KIF13B: variants seen among roughly 807,000 people sequenced by gnomAD.
The protein encoded by KIF13B is kinesin family member 13B.
KIF13B carries 127 observed loss-of-function variants against 222.0 expected under a neutral mutation model. That is an observed-to-expected ratio of 0.57 (90% CI 0.50 to 0.66). The LOEUF (loss-of-function observed/expected upper bound fraction) is 0.66, where lower values mean the gene tolerates loss of function less well. Among genes scored for constraint, KIF13B ranks in the 30% least tolerant of loss-of-function variants. The probability of loss-of-function intolerance (pLI) is 0.00; values close to 1 mark genes in which losing one functional copy is unlikely to be tolerated. For missense variants in KIF13B, 2,173 were observed against 2,379.0 expected (o/e 0.91, Z 1.80); for synonymous variants, 976 against 919.0 (o/e 1.06, Z -1.12).
At chr8:29,077,853 T>G (rs1174075978) in intron 37 of KIF13B, among the ~76,000 whole-genome samples, 2 of 152,088 alleles carry the variant, frequency 1.3e-5, no homozygotes, top group Admixed American at 6.5e-5. Context: ...GCGGGGGGCG[T>G]GGCACCAGGT....
chr8:29,089,449 T>A (rs1586760307), intron 37 of KIF13B, among the ~76,000 whole-genome samples: 2 of 151,790 alleles, frequency 1.3e-5, no homozygotes, highest in African/African-American at 2.4e-5. Context: ...TAAAATAATA[T>A]TATTATAATC....
intron 1 of KIF13B, among the ~76,000 whole-genome samples, chr8:29,249,488 G>A (rs1476355056): frequency 6.7e-6 from 1 of 148,180 alleles, no homozygotes; most frequent in Non-Finnish European, 1.5e-5. Context: ...TACCATGTCA[G>A]AGTTATGCTG....
At chr8:29,210,047 C>T (rs949601454) in intron 2 of KIF13B, among the ~76,000 whole-genome samples, 2 of 150,722 alleles carry the variant, frequency 1.3e-5, no homozygotes, top group African/African-American at 4.9e-5. Context: ...GAGAGCCAGA[C>T]CCTGTCTCAG....
intron 2 of KIF13B, among the ~76,000 whole-genome samples, chr8:29,219,875 G>C (rs915650452): frequency 9.2e-5 from 14 of 151,770 alleles, no homozygotes; most frequent in African/African-American, 3.4e-4. Context: ...CCAGCCTGGG[G>C]AACATGGTGA....
chr8:29,116,773 C>G, intron 31 of KIF13B, 58 bp downstream of exon 31: 1 of 1,497,776 alleles, frequency 6.7e-7, no homozygotes. Flanking sequence ...AAGCACTGCA[C>G]GGCCCTACCC....
intron 2 of KIF13B, among the ~76,000 whole-genome samples, chr8:29,210,972 T>C (rs911402557): frequency 1.3e-5 from 2 of 152,196 alleles, no homozygotes; most frequent in Admixed American, 1.3e-4. Flanking sequence ...TGGAGGCACC[T>C]GACCCAGAGG....
At chr8:29,087,206 G>A (rs1438427473) in intron 37 of KIF13B, among the ~76,000 whole-genome samples, 2 of 152,196 alleles carry the variant, frequency 1.3e-5, no homozygotes, top group African/African-American at 4.8e-5. Flanking sequence ...GAGTGGAGAA[G>A]GTAGTTACCT....
chr8:29,092,778 C>T lies in KIF13B; in HGVS notation c.4425G>A (p.Lys1475=). The T allele has an allele frequency of 6.2e-7, 1 of 1,613,534 alleles. No homozygotes were observed. Among genetic ancestry groups the T allele is most frequent in the Non-Finnish European group, 8.5e-7 (1 of 1,179,746 alleles). Residue 1475 remains lysine, a synonymous_variant, in exon 37 of 40, where the codon AAG becomes AAA. Transcript: ENST00000524189. ...CGAGGGGAGACGGCCGCTTGCCCCT[C>T]TTCTCATCGCGGACGGGAAAGAGAG... ...LKSLFPVRDE[K]RGKRPSPLAH...
At chr8:29,252,257 A>G (rs552823857) in intron 1 of KIF13B, among the ~76,000 whole-genome samples, 26 of 152,342 alleles carry the variant, frequency 1.7e-4, no homozygotes, top group African/African-American at 6.0e-4. Flanking sequence ...CAATAATTTA[A>G]AACAAGTCTT....
intron 1 of KIF13B, among the ~76,000 whole-genome samples, chr8:29,253,195 A>T (rs569422887): frequency 7.5e-4 from 114 of 152,218 alleles, no homozygotes; most frequent in Non-Finnish European, 1.2e-3. Context: ...AAAAAAAATA[A>T]TTAGCCAGGT....
At chr8:29,077,941 A>G (rs1373168287) in intron 37 of KIF13B, among the ~76,000 whole-genome samples, 2 of 151,996 alleles carry the variant, frequency 1.3e-5, no homozygotes, top group Admixed American at 1.3e-4. Flanking sequence ...GGAACACATA[A>G]GCAAATCACT....
Position 29,183,277 on chromosome 8 carries a change from G to A in KIF13B, c.498-1271C>T, listed in dbSNP as rs377256891. On this transcript the variant is annotated intron_variant, in intron 6 of 39. Transcript: ENST00000524189. The stretch of plus-strand genomic sequence containing the variant: ...AGCAGTTCTCCTGCCTCATCCTCCC[G>A]AATAGCTGGGATTACAGGTGTGCAT... 6.2e-5 allele frequency among the ~76,000 whole-genome samples: 9 copies of A among 144,358 alleles called. 1 individual carries two copies. Among genetic ancestry groups the A allele is most frequent in the African/African-American group, 1.8e-4 (7 of 39,000 alleles). The allele number at this position is 144,358 out of a possible 152,430, so 94.7% of individuals were successfully genotyped here.
intron 35 of KIF13B, among the ~76,000 whole-genome samples, chr8:29,105,658 T>TTG (rs1440417652): frequency 1.9e-5 from 2 of 103,996 alleles, no homozygotes; most frequent in Admixed American, 9.4e-5. Context: ...TGGTTTTTTT[T>TTG]TTTTTTTTTT....
intron 6 of KIF13B, among the ~76,000 whole-genome samples, chr8:29,185,370 T>C (rs146680670): frequency 1.7e-4 from 26 of 152,356 alleles, no homozygotes; most frequent in African/African-American, 6.3e-4. Flanking sequence ...TAAAAGCAGA[T>C]AGCGTTGTAT....
At chr8:29,151,716 A>C (rs1287794545) in intron 14 of KIF13B, among the ~76,000 whole-genome samples, 2 of 152,316 alleles carry the variant, frequency 1.3e-5, no homozygotes, top group East Asian at 3.9e-4. Context: ...CCAAAATATT[A>C]CTGCTCATTG....
chr8:29,075,401 G>C (rs986335969), intron 37 of KIF13B, 58 bp from the exon 38 acceptor site: 1 of 1,465,716 alleles, frequency 6.8e-7, no homozygotes, highest in Middle Eastern at 2.1e-4. Flanking sequence ...GTAGCAGAAA[G>C]GTTTCCGCTG....
chr8:29,241,521 A>G (rs1815776605), intron 2 of KIF13B, among the ~76,000 whole-genome samples: 1 of 152,328 alleles, frequency 6.6e-6, no homozygotes, highest in East Asian at 1.9e-4. Context: ...AGAGCTTTTC[A>G]GAGAGTCTGG....
In KIF13B at chr8:29,070,812, A is replaced by ACGGC. The variant is rs753844777; in HGVS notation, c.5219-50_5219-47dup. 13 of 1,563,300 alleles carry ACGGC rather than the reference A, an allele frequency of 8.3e-6. No homozygotes were observed. Among genetic ancestry groups the ACGGC allele is most frequent in the Non-Finnish European group, 1.1e-5 (13 of 1,154,198 alleles). On this transcript the variant is annotated intron_variant, in intron 39 of 39. Coordinates refer to ENST00000524189, the MANE Select transcript of KIF13B (RefSeq NM_015254.4). The surrounding 1 kb of genome is among the most constrained non-coding windows in gnomAD (Gnocchi z 4.1). ...GATATGGAGGGCAGCCGAGCTGCAG[A>ACGGC]CGGCCCCCTGCACCTCCCTTACCTC...
At chr8:29,132,567 T>C (rs556613759) in intron 22 of KIF13B, 102 bp from the exon 23 acceptor site, 401 of 712,364 alleles carry the variant, frequency 5.6e-4, no homozygotes, top group Non-Finnish European at 7.0e-4. Context: ...GGAAAAAAAA[T>C]AGAAAATGGA....
Sources: gnomAD v4.1 joint callset for allele counts (sites outside exome capture counted in the v4.1 genomes callset) on GRCh38, gnomAD v4.1.1 for gene constraint, Gnocchi (gnomAD v3.1) non-coding constraint, MANE v1.5 for transcripts, NCBI Gene and HGNC (gene_info 2026-07-23, HGNC 2026-07-21) for gene names.